The following ZDHHC21 variants were observed in gnomAD, a reference collection of about 807,000 sequenced individuals.
ZDHHC21 encodes the protein zDHHC palmitoyltransferase 21.
Under a neutral mutation model 34.6 loss-of-function variants are expected in ZDHHC21, and 15 were observed. That is an observed-to-expected ratio of 0.43 (90% CI 0.29 to 0.67). The LOEUF (loss-of-function observed/expected upper bound fraction) is 0.67. Ranked by LOEUF, ZDHHC21 falls within the 30% of genes least tolerant of loss-of-function variation. The pLI is 0.14. For missense variants in ZDHHC21, 344 were observed against 327.7 expected (o/e 1.05, Z -0.38); for synonymous variants, 142 against 101.8 (o/e 1.40, Z -2.38).
chr9:14,610,427 G>C (rs1320170072), downstream of ZDHHC21, among the ~76,000 whole-genome samples: 2 of 151,894 alleles, frequency 1.3e-5, no homozygotes, highest in Admixed American at 6.6e-5. Flanking sequence ...AAAATTTATA[G>C]TTTTATTTGC....
intron 5 of ZDHHC21, among the ~76,000 whole-genome samples, chr9:14,668,693 T>C (rs9721734): frequency 0.97 from 136,774 of 141,454 alleles, 66,221 homozygotes; most frequent in Non-Finnish European, 0.99. Context: ...TCAGAAATAA[T>C]GCCGCATAAC....
rs993290197 is a variant in ZDHHC21, at chr9:14,652,795, A to AT, written c.504+5953dup. ...TACATCAATGGTCAAAGTGCAACTC[A>AT]TTTTTTTTGTTGTTGTTGTTTAATG... On this transcript the variant is annotated intron_variant, in intron 7 of 9. Transcript: ENST00000380916. 6.3e-4 allele frequency among the ~76,000 whole-genome samples: 95 copies of AT among 151,926 alleles called. 2 individuals are homozygous for AT. Among genetic ancestry groups the AT allele is most frequent in the African/African-American group, 1.6e-3 (66 of 41,484 alleles).
chr9:14,660,158 G>C (rs1308437728), intron 6 of ZDHHC21, among the ~76,000 whole-genome samples: 4 of 152,034 alleles, frequency 2.6e-5, no homozygotes, highest in Non-Finnish European at 5.9e-5. Flanking sequence ...CTGAGGTTGG[G>C]AGTTTGAGAC....
At chr9:14,633,146 C>G (rs1467757273) in intron 8 of ZDHHC21, among the ~76,000 whole-genome samples, 1 of 152,260 alleles carries the variant, frequency 6.6e-6, no homozygotes, top group East Asian at 1.9e-4. Flanking sequence ...TGGTACTCAC[C>G]TCCTTCACAA....
chr9:14,640,363 A>G (rs1829130357), intron 7 of ZDHHC21, among the ~76,000 whole-genome samples: 1 of 151,528 alleles, frequency 6.6e-6, no homozygotes, highest in Admixed American at 6.6e-5. Flanking sequence ...AAAACAAAAC[A>G]CAGATGGTTG....
chr9:14,589,130 T>C, the ZDHHC21 span: 2 of 152,106 alleles, frequency 1.3e-5, no homozygotes, highest in South Asian at 4.1e-4. Flanking sequence ...TAGGGGTCAA[T>C]GAATGAGCCT....
chr9:14,589,460 T>C, the ZDHHC21 span: 1 of 152,024 alleles, frequency 6.6e-6, no homozygotes, highest in Non-Finnish European at 1.5e-5. Flanking sequence ...CCAAGCAGAG[T>C]AGTAGTTTCA....
chr9:14,626,498 T>C (rs1464636604), intron 8 of ZDHHC21, among the ~76,000 whole-genome samples: 1 of 151,972 alleles, frequency 6.6e-6, no homozygotes, highest in East Asian at 1.9e-4. Flanking sequence ...GATTTCTTTT[T>C]AATTAGTTTT....
intron 7 of ZDHHC21, among the ~76,000 whole-genome samples, chr9:14,647,107 T>C (rs980230287): frequency 2.0e-5 from 3 of 152,086 alleles, no homozygotes; most frequent in East Asian, 3.9e-4. Context: ...AAGAAACACA[T>C]AGGCAACATG....
At position 14,661,140 on chromosome 9, in the gene ZDHHC21, A is replaced by T. The variant is rs534204957; in HGVS notation, c.365+1075T>A. The stretch of plus-strand genomic sequence containing the variant: ...CTTGTTGACAGATTTAGAAATTTTT[A>T]AAATTTTTATGTAGTAACAAAATGC... On this transcript the variant is annotated intron_variant, in intron 6 of 9. Coordinates refer to ENST00000380916, the MANE Select transcript of ZDHHC21 (RefSeq NM_178566.6). 1.5e-4 allele frequency among the ~76,000 whole-genome samples: 23 copies of T among 152,330 alleles called. No homozygotes were observed. The South Asian group carries it at 4.6e-3, about 30-fold the overall frequency.
At chr9:14,650,082 T>TA (rs964168318) in intron 7 of ZDHHC21, among the ~76,000 whole-genome samples, 61 of 152,176 alleles carry the variant, frequency 4.0e-4, no homozygotes, top group African/African-American at 1.4e-3. Flanking sequence ...TGAGGACATA[T>TA]ACTCAGTCAA....
the ZDHHC21 span, among the ~76,000 whole-genome samples, chr9:14,602,131 G>A: frequency 6.6e-6 from 1 of 151,586 alleles, no homozygotes; most frequent in Admixed American, 6.6e-5. Flanking sequence ...ATGCATCCCA[G>A]AACTTAAAGT....
At chr9:14,684,729 G>C (rs1211720844) in intron 2 of ZDHHC21, among the ~76,000 whole-genome samples, 2 of 150,656 alleles carry the variant, frequency 1.3e-5, no homozygotes, top group South Asian at 2.1e-4. Flanking sequence ...AACCAAAAAA[G>C]AACCCGCATT....
At chr9:14,680,385 C>A (rs1241272239) in intron 2 of ZDHHC21, among the ~76,000 whole-genome samples, 2 of 151,496 alleles carry the variant, frequency 1.3e-5, no homozygotes, top group Admixed American at 6.6e-5. Context: ...ACCCACTTCC[C>A]ATAAAATCAA....
the ZDHHC21 span, among the ~76,000 whole-genome samples, chr9:14,605,636 A>G: frequency 6.6e-6 from 1 of 152,168 alleles, no homozygotes; most frequent in African/African-American, 2.4e-5. Flanking sequence ...CATTCGATAG[A>G]CTGCCATTTG....
At chr9:14,610,257 C>T (rs1206077595), downstream of ZDHHC21, among the ~76,000 whole-genome samples, 1 of 151,862 alleles carries the variant, frequency 6.6e-6, no homozygotes, top group Non-Finnish European at 1.5e-5. Context: ...AGTTTGAGAA[C>T]TGTTGTAACT....
chr9:14,640,525 C>T (rs1456157022), intron 7 of ZDHHC21, among the ~76,000 whole-genome samples: 5 of 152,090 alleles, frequency 3.3e-5, no homozygotes, highest in Non-Finnish European at 7.4e-5. Flanking sequence ...ATAATAGGAT[C>T]ATAAGTACAG....
At chr9:14,630,382 A>G (rs1312246809) in intron 8 of ZDHHC21, among the ~76,000 whole-genome samples, 2 of 152,180 alleles carry the variant, frequency 1.3e-5, no homozygotes, top group African/African-American at 2.4e-5. Flanking sequence ...CAATTCGGTC[A>G]CATCTTCCAC....
chr9:14,669,308 A>G (rs1325362811), intron 5 of ZDHHC21, among the ~76,000 whole-genome samples: 1 of 143,732 alleles, frequency 7.0e-6, no homozygotes, highest in Non-Finnish European at 1.6e-5. Context: ...ATGAGATACC[A>G]TCTCACACCA....
Sources: gnomAD v4.1 joint callset for allele counts (sites outside exome capture counted in the v4.1 genomes callset) on GRCh38, gnomAD v4.1.1 for gene constraint, MANE v1.5 for transcripts, NCBI Gene and HGNC (gene_info 2026-07-23, HGNC 2026-07-21) for gene names.